The following NKTR variants were observed in gnomAD, a reference collection of about 807,000 sequenced individuals.
The protein encoded by NKTR is NK-tumor recognition protein.
NKTR carries 67 observed loss-of-function variants against 156.3 expected under a neutral mutation model. That is an observed-to-expected ratio of 0.43 (90% CI 0.35 to 0.53). The LOEUF (loss-of-function observed/expected upper bound fraction) is 0.53. Among genes scored for constraint, NKTR ranks in the 20% least tolerant of loss-of-function variants. The pLI, the probability that NKTR is intolerant of heterozygous loss-of-function variation, is 0.01. For missense variants in NKTR, 1,604 were observed against 1,730.9 expected, an observed-to-expected ratio of 0.93 and a Z score of 1.30; for synonymous variants, 640 against 596.6, an observed-to-expected ratio of 1.07 and a Z score of -1.06.
chr3:42,621,116 A>C, intron 5 of NKTR: 2 of 989,266 alleles, frequency 2.0e-6, no homozygotes, highest in Non-Finnish European at 2.4e-6. Context: ...AAATTTTATT[A>C]GTTTTCCCTG....
At position 42,638,666 on chromosome 3, in the gene NKTR, G is replaced by GA. The variant is rs779797310; in HGVS notation, c.2964dup (p.His989ThrfsTer18). ...TGGGTCAAAGGAAAATCTTAAAAGA[G>GA]AACACACCAAAAAAGTGAAAGAGAA... On this transcript the variant is annotated frameshift_variant, in exon 13 of 17. Transcript: ENST00000232978. LOFTEE classifies it high-confidence loss of function. The GA allele has an allele frequency of 2.5e-6, 4 of 1,610,824 alleles. No homozygotes were observed. The highest frequency in any genetic ancestry group is 2.5e-6 in the Non-Finnish European group (3 of 1,179,270).
In NKTR at chr3:42,637,578, C is replaced by T; in HGVS notation, c.1874C>T (p.Pro625Leu). The T allele has an allele frequency of 6.2e-7, 1 of 1,611,364 alleles. No individual in the cohort carries two copies. Among genetic ancestry groups the T allele is most frequent in the Non-Finnish European group, 8.5e-7 (1 of 1,179,274 alleles). ...TCAAGATGGAAGCCTGGACAGAAAC[C>T]TTGGAAGCCCTCTTATGAGCGAATT... ...PPSRWKPGQK[P>L]WKPSYERIQE... The change falls in exon 13 of 17, where the codon CCT becomes CTT. Residue 625 changes from proline (P) to leucine (L), a missense_variant. Pro to Leu is a moderately conservative substitution (Grantham distance 98). Transcript: ENST00000232978.
chr3:42,638,105 A>C lies in NKTR; in HGVS notation c.2401A>C (p.Ser801Arg). The C allele has an allele frequency of 2.5e-6, 4 of 1,614,114 alleles. No homozygotes were observed. The highest frequency in any genetic ancestry group is 3.4e-6 in the Non-Finnish European group (4 of 1,180,030). The change falls in exon 13 of 17, where the codon AGC becomes CGC. Residue 801 changes from serine to arginine, a missense_variant. This residue lies in a region of NKTR where 1,255 missense variants were observed against 1,243.7 expected (regional missense o/e 1.01). Transcript: ENST00000232978. ...TTCATGTGTGAGAAAGTATAGCGAG[A>C]GCAGATCATCTTTAGATTATTCTTC... ...RSSCVRKYSE[S>R]RSSLDYSSDS...
chr3:42,629,493 G>T (rs751554414), intron 6 of NKTR: 98 of 975,858 alleles, frequency 1.0e-4, no homozygotes, highest in Non-Finnish European at 1.1e-4. Flanking sequence ...ACTGGGTTTT[G>T]TTCACTTACA....
At chr3:42,629,549 C>T (rs1708703009) in intron 6 of NKTR, 1 of 984,404 alleles carries the variant, frequency 1.0e-6, no homozygotes, top group South Asian at 4.7e-5. Context: ...TATATGGCAG[C>T]TTCTAGTACA....
Position 42,635,236 on chromosome 3 carries a change from C to G in NKTR, c.1033C>G (p.Pro345Ala). The G allele has an allele frequency of 1.2e-6, 2 of 1,612,160 alleles. No individual in the cohort carries two copies. Among genetic ancestry groups the G allele is most frequent in the Non-Finnish European group, 1.7e-6 (2 of 1,179,386 alleles). The change falls in exon 12 of 17, where the codon CCA becomes GCA. Residue 345 changes from proline to alanine, a missense_variant. Pro to Ala is a conservative substitution (Grantham distance 27). Transcript: ENST00000232978. ...GRGTIRYHTP[P>A]RSRSCSESDD... is the part of the protein sequence containing the mutation. Reference sequence around the variant, plus strand: ...GTTTTTAAAGCGCTATCACACACCTCCAAGATCAAGATCCTGTTCTGAGTC... The same window carrying G: ...GTTTTTAAAGCGCTATCACACACCTGCAAGATCAAGATCCTGTTCTGAGTC...
chr3:42,632,850 T>C, intron 9 of NKTR, 27 bp downstream of exon 9: 1 of 1,497,686 alleles, frequency 6.7e-7, no homozygotes. Flanking sequence ...AATGTACTCT[T>C]ACCTAAAAAC....
At chr3:42,621,645 T>C in intron 6 of NKTR, 129 bp downstream of exon 6, 1 of 947,750 alleles carries the variant, frequency 1.1e-6, no homozygotes, top group Non-Finnish European at 1.5e-6. Context: ...TAATTTCTAA[T>C]ATCATAGTAA....
chr3:42,628,860 G>C, intron 6 of NKTR: 1 of 259,268 alleles, frequency 3.9e-6, no homozygotes, highest in Non-Finnish European at 6.0e-6. Flanking sequence ...AAATTAGATG[G>C]GCCTGGTGGC....
chr3:42,628,013 A>G (rs1180207788), intron 6 of NKTR: 23 of 985,156 alleles, frequency 2.3e-5, no homozygotes, highest in Middle Eastern at 5.2e-4. Context: ...CTCTTTGGCT[A>G]ATGTCCTCTG....
At chr3:42,624,845 A>AT (rs1323169002) in intron 6 of NKTR, among the ~76,000 whole-genome samples, 1 of 152,042 alleles carries the variant, frequency 6.6e-6, no homozygotes, top group Non-Finnish European at 1.5e-5. Context: ...TCTGGCTGTA[A>AT]TTTTTTTGTC....
intron 9 of NKTR, chr3:42,633,049 T>A (rs1709060586): frequency 1.7e-6 from 2 of 1,205,934 alleles, no homozygotes; most frequent in Non-Finnish European, 2.1e-6. Context: ...CTAAGAACTC[T>A]TTTTTTAAGA....
chr3:42,612,337 T>C (rs1413226133), intron 2 of NKTR: 2 of 152,156 alleles, frequency 1.3e-5, no homozygotes, highest in Non-Finnish European at 2.9e-5. Context: ...TGTACCTTTT[T>C]CCACTGATTT....
At chr3:42,621,268 G>T in intron 5 of NKTR, 161 bp from the exon 6 acceptor site, 3 of 1,319,130 alleles carry the variant, frequency 2.3e-6, no homozygotes, top group Non-Finnish European at 2.9e-6. Flanking sequence ...TTATGCTTTT[G>T]TTATTTGATT....
At chr3:42,613,770 T>C (rs1001294926) in intron 2 of NKTR, among the ~76,000 whole-genome samples, 1 of 152,228 alleles carries the variant, frequency 6.6e-6, no homozygotes, top group South Asian at 2.1e-4. Context: ...CATGTGTTGA[T>C]ATTACCTGAT....
At chr3:42,616,982 C>A (rs1707432136) in intron 2 of NKTR, among the ~76,000 whole-genome samples, 1 of 152,140 alleles carries the variant, frequency 6.6e-6, no homozygotes, top group African/African-American at 2.4e-5. Context: ...TCTCAAACTC[C>A]TGACCTCAGG....
chr3:42,644,678 C>CT (rs1491140599), intron 16 of NKTR, among the ~76,000 whole-genome samples: 3 of 152,160 alleles, frequency 2.0e-5, no homozygotes, highest in African/African-American at 7.2e-5. Flanking sequence ...CCAGCTCACA[C>CT]TCTTTCTGGC....
intron 13 of NKTR, 45 bp from the exon 14 acceptor site, chr3:42,642,456 A>G (rs766589487): frequency 1.1e-5 from 16 of 1,402,506 alleles, no homozygotes; most frequent in Non-Finnish European, 1.5e-5. Flanking sequence ...TAATATCATG[A>G]TGAGTCAACA....
chr3:42,623,289 T>C (rs1372083191), intron 6 of NKTR, among the ~76,000 whole-genome samples: 1 of 152,086 alleles, frequency 6.6e-6, no homozygotes, highest in Non-Finnish European at 1.5e-5. Context: ...GTTAATTTAC[T>C]TTAGATGGCA....
Sources: gnomAD v4.1 joint callset for allele counts (sites outside exome capture counted in the v4.1 genomes callset) on GRCh38, gnomAD v4.1.1 for gene constraint, gnomAD v4.1.1 regional missense constraint, MANE v1.5 for transcripts, NCBI Gene and HGNC (gene_info 2026-07-23, HGNC 2026-07-21) for gene names.